Variants in ITGB3BP observed in about 807,000 individuals in gnomAD.
ITGB3BP encodes the protein centromere protein R.
In ITGB3BP, 27 loss-of-function variants were observed where a neutral mutation model predicts 29.1. That is an observed-to-expected ratio of 0.93 (90% CI 0.68 to 1.28). The LOEUF (loss-of-function observed/expected upper bound fraction) is 1.28. Among genes scored for constraint, ITGB3BP ranks in the 50% most tolerant of loss-of-function variants. The pLI is 0.00. For missense variants in ITGB3BP, 192 were observed against 200.2 expected (o/e 0.96, Z 0.25); for synonymous variants, 61 against 61.4 (o/e 0.99, Z 0.03).
intron 2 of ITGB3BP, among the ~76,000 whole-genome samples, chr1:63,496,542 AT>A (rs1474809464): frequency 6.6e-6 from 1 of 151,986 alleles, no homozygotes; most frequent in Non-Finnish European, 1.5e-5. Flanking sequence ...TAAGGTCCTT[AT>A]TTTTATACTT....
intron 4 of ITGB3BP, 77 bp downstream of exon 4, chr1:63,478,687 T>C: frequency 1.4e-6 from 1 of 703,836 alleles, no homozygotes; most frequent in Non-Finnish European, 2.4e-6. Context: ...AATAAATGCT[T>C]TTAAACGGTC....
upstream of ITGB3BP, chr1:63,525,439 C>T: frequency 4.7e-6 from 3 of 638,528 alleles, no homozygotes; most frequent in South Asian, 3.9e-5. Flanking sequence ...ATATCTTGAT[C>T]TTTTCATATA....
In ITGB3BP at chr1:63,499,319, T is replaced by C. The variant is rs575002431; in HGVS notation, c.49-9101A>G. Among the ~76,000 whole-genome samples the C allele has an allele frequency of 1.7e-3, 252 of 152,174 alleles. 1 individual carries two copies. The highest frequency in any genetic ancestry group is 0.014 in the Middle Eastern group (4 of 294). The stretch of plus-strand genomic sequence containing the variant: ...CATGTGCCACCATGCCTGGCTAATT[T>C]TGTATTTTTTAGTAGAGAAGGGGGT... On this transcript the variant is annotated intron_variant, in intron 2 of 8. Coordinates refer to ENST00000271002, the MANE Select transcript of ITGB3BP (RefSeq NM_014288.5).
intron 2 of ITGB3BP, among the ~76,000 whole-genome samples, chr1:63,502,299 T>C (rs1570285360): frequency 1.3e-5 from 2 of 152,184 alleles, no homozygotes; most frequent in Non-Finnish European, 2.9e-5. Flanking sequence ...TTTAGCAAAT[T>C]GTGGTACTGG....
upstream of ITGB3BP, chr1:63,525,607 C>G: frequency 6.4e-7 from 1 of 1,573,052 alleles, no homozygotes. Flanking sequence ...GCAACTTTCT[C>G]CAGTCAGAAA....
intron 4 of ITGB3BP, among the ~76,000 whole-genome samples, chr1:63,455,564 C>A (rs1644921492): frequency 6.6e-6 from 1 of 152,082 alleles, no homozygotes; most frequent in South Asian, 2.1e-4. Flanking sequence ...CTTACCTTGG[C>A]CTCCCAAAGC....
chr1:63,469,999 T>C lies in ITGB3BP; in HGVS notation c.254+8765A>G, dbSNP rs538243075. 4.6e-5 allele frequency among the ~76,000 whole-genome samples: 7 copies of C among 152,384 alleles called. No homozygotes were observed. The South Asian group carries it at 1.4e-3, about 32-fold the overall frequency. On this transcript the variant is annotated intron_variant, in intron 4 of 8. Coordinates refer to ENST00000271002, the MANE Select transcript of ITGB3BP (RefSeq NM_014288.5). The stretch of plus-strand genomic sequence containing the variant: ...CATTCTTAAGCCACAAACAATAGCA[T>C]GAGCGATCTATGCCTTAAGGACATG...
At chr1:63,452,175 T>C (rs1440861896) in intron 7 of ITGB3BP, 1 of 152,090 alleles carries the variant, frequency 6.6e-6, no homozygotes, top group African/African-American at 2.4e-5. Flanking sequence ...GAAGGAAAAA[T>C]ATTTTAATGA....
At chr1:63,506,365 C>G (rs1646080903) in intron 2 of ITGB3BP, among the ~76,000 whole-genome samples, 1 of 152,088 alleles carries the variant, frequency 6.6e-6, no homozygotes, top group African/African-American at 2.4e-5. Flanking sequence ...TCTTAATTGG[C>G]AGTGGCAAGA....
At chr1:63,446,922 A>T in intron 7 of ITGB3BP, 66 bp from the exon 8 acceptor site, 1 of 1,152,288 alleles carries the variant, frequency 8.7e-7, no homozygotes, top group Non-Finnish European at 1.3e-6. Context: ...ACAGTATATG[A>T]TGCAGAATAA....
chr1:63,472,332 C>G (rs1480807956), intron 4 of ITGB3BP, among the ~76,000 whole-genome samples: 1 of 151,052 alleles, frequency 6.6e-6, no homozygotes, highest in East Asian at 2.0e-4. Flanking sequence ...CTTGCTTCGT[C>G]TCTGGTATCT....
intron 7 of ITGB3BP, among the ~76,000 whole-genome samples, chr1:63,448,111 T>A (rs1227409844): frequency 6.6e-5 from 9 of 136,466 alleles, no homozygotes; most frequent in African/African-American, 2.5e-4. Context: ...TTCTCACTCA[T>A]AGGTGGGAAT....
chr1:63,496,408 T>G (rs1645789103), intron 2 of ITGB3BP, among the ~76,000 whole-genome samples: 1 of 152,132 alleles, frequency 6.6e-6, no homozygotes. Flanking sequence ...ATTTGCTCCT[T>G]TGAACAACTG....
Position 63,469,606 on chromosome 1 carries a change from G to A in ITGB3BP, c.254+9158C>T, listed in dbSNP as rs1000334029. On this transcript the variant is annotated intron_variant, in intron 4 of 8. Transcript: ENST00000271002. ...CTCCCAAAGTGTTGGGATTACAGGC[G>A]TGACCCACCATGCCTGACCCAAAAT... Among the ~76,000 whole-genome samples, 7 of 152,292 alleles carry A rather than the reference G, an allele frequency of 4.6e-5. No homozygotes were observed. In the East Asian group the frequency reaches 5.8e-4, roughly 13 times the overall value.
intron 3 of ITGB3BP, among the ~76,000 whole-genome samples, chr1:63,482,474 T>C (rs1170788700): frequency 6.6e-6 from 1 of 151,800 alleles, no homozygotes; most frequent in African/African-American, 2.4e-5. Context: ...CAAAAGTTAG[T>C]AACTTCTTTC....
Position 63,511,915 on chromosome 1 carries a change from TA to T in ITGB3BP, c.6-3346del, listed in dbSNP as rs370247782. 1.2e-3 allele frequency among the ~76,000 whole-genome samples: 184 copies of T among 152,202 alleles called. 2 individuals are homozygous for T. Among genetic ancestry groups the T allele is most frequent in the African/African-American group, 3.8e-3 (159 of 41,556 alleles). On this transcript the variant is annotated intron_variant, in intron 1 of 8. Coordinates refer to ENST00000271002, the MANE Select transcript of ITGB3BP (RefSeq NM_014288.5). ...TCTTAATGTCACTGAATTGGACACC[TA>T]AAAAATGATTAAAATAGTAAATTTT...
intron 4 of ITGB3BP, among the ~76,000 whole-genome samples, chr1:63,469,834 CTAAACTGGCCA>C (rs1344234933): frequency 6.6e-6 from 1 of 152,206 alleles, no homozygotes; most frequent in Non-Finnish European, 1.5e-5. Context: ...TAAACTGGCC[CTAAACTGGCCA>C]TAAACAAAAT....
chr1:63,473,489 C>G (rs1203671168), intron 4 of ITGB3BP, among the ~76,000 whole-genome samples: 1 of 141,176 alleles, frequency 7.1e-6, no homozygotes, highest in African/African-American at 2.6e-5. Context: ...GTCAGCCCCC[C>G]GCCCGGCCAG....
chr1:63,519,261 T>C (rs1557660041), intron 1 of ITGB3BP, among the ~76,000 whole-genome samples: 1 of 152,124 alleles, frequency 6.6e-6, no homozygotes, highest in Non-Finnish European at 1.5e-5. Context: ...AATTAACTTA[T>C]AGTTGGGTAA....
Sources: gnomAD v4.1 joint callset for allele counts (sites outside exome capture counted in the v4.1 genomes callset) on GRCh38, gnomAD v4.1.1 for gene constraint, MANE v1.5 for transcripts, NCBI Gene and HGNC (gene_info 2026-07-23, HGNC 2026-07-21) for gene names.